The following LARGE1 variants were observed in gnomAD, a reference collection of about 807,000 sequenced individuals.
LARGE1 encodes xylosyl- and glucuronyltransferase LARGE1.
Under a neutral mutation model 87.6 loss-of-function variants are expected in LARGE1, and 43 were observed. That is an observed-to-expected ratio of 0.49 (90% CI 0.38 to 0.63). The LOEUF (loss-of-function observed/expected upper bound fraction) is 0.63, where lower values mean the gene tolerates loss of function less well. LARGE1 is among the 30% of genes least tolerant of loss of function. The pLI is 0.00. For missense variants in LARGE1, 802 were observed against 1,000.2 expected (o/e 0.80, Z 2.67); for synonymous variants, 434 against 394.6 (o/e 1.10, Z -1.18).
chr22:33,464,898 CACACACACAT>C (rs796479135), intron 6 of LARGE1, among the ~76,000 whole-genome samples: 2,170 of 150,932 alleles, frequency 0.014, 60 homozygotes, highest in African/African-American at 0.051. Context: ...CACATACACA[CACACACACAT>C]ACACATGCAC....
chr22:33,336,261 C>T lies in LARGE1; in HGVS notation c.1287+1385G>A, dbSNP rs145414715. On this transcript the variant is annotated intron_variant, in intron 10 of 14. Transcript: ENST00000397394. Reference sequence around the variant, plus strand: ...TGTTGCCCAGGCTTGAGTGTAGTGGCATGATCTCGGCTCACTGTAACCTCC... The same window carrying T: ...TGTTGCCCAGGCTTGAGTGTAGTGGTATGATCTCGGCTCACTGTAACCTCC... Among the ~76,000 whole-genome samples the T allele has an allele frequency of 2.8e-3, 424 of 152,246 alleles. 3 individuals carry two copies. The highest frequency in any genetic ancestry group is 9.8e-3 in the African/African-American group (407 of 41,538).
intron 7 of LARGE1, among the ~76,000 whole-genome samples, chr22:33,387,201 G>A (rs1373039142): frequency 6.7e-6 from 1 of 148,412 alleles, no homozygotes; most frequent in Non-Finnish European, 1.5e-5. Flanking sequence ...AAGGTGCACA[G>A]ATCATCTGAA....
chr22:33,254,935 A>ATTTTT (rs11363318), intron 11 of LARGE1, among the ~76,000 whole-genome samples: 22 of 128,266 alleles, frequency 1.7e-4, no homozygotes, highest in African/African-American at 6.3e-4. Flanking sequence ...CTACCTGTAG[A>ATTTTT]TTTTTTTTTT....
At chr22:33,176,888 C>T (rs995853170) in intron 11 of LARGE1, among the ~76,000 whole-genome samples, 5 of 152,026 alleles carry the variant, frequency 3.3e-5, no homozygotes, top group African/African-American at 1.2e-4. Context: ...TTCACAATAG[C>T]AAAAACTTGG....
chr22:33,794,162 A>T (rs1280934289), intron 1 of LARGE1, among the ~76,000 whole-genome samples: 1 of 152,170 alleles, frequency 6.6e-6, no homozygotes, highest in Non-Finnish European at 1.5e-5. Context: ...CGACGTATGT[A>T]GTTGGGCCCC....
intron 6 of LARGE1, among the ~76,000 whole-genome samples, chr22:33,544,684 AAAC>A (rs149731889): frequency 3.1e-5 from 2 of 64,276 alleles, no homozygotes; most frequent in African/African-American, 9.7e-5. Flanking sequence ...CCCTGTCTCA[AAAC>A]AACAACCACA....
At chr22:33,899,480 G>C (rs2065229568) in intron 1 of LARGE1, among the ~76,000 whole-genome samples, 1 of 152,126 alleles carries the variant, frequency 6.6e-6, no homozygotes, top group Non-Finnish European at 1.5e-5. Flanking sequence ...TTTTAGCCCA[G>C]AACTGCAGGT....
At chr22:33,663,584 G>A (rs2081189754) in intron 2 of LARGE1, among the ~76,000 whole-genome samples, 1 of 152,146 alleles carries the variant, frequency 6.6e-6, no homozygotes, top group Non-Finnish European at 1.5e-5. Flanking sequence ...AAAGCCCCTT[G>A]CAGGACAGAG....
At position 33,288,943 on chromosome 22, in the gene LARGE1, C is replaced by T. The variant is rs571705908; in HGVS notation, c.1731-5595G>A. 1.5e-3 allele frequency among the ~76,000 whole-genome samples: 220 copies of T among 151,216 alleles called. 1 individual carries two copies. The highest frequency in any genetic ancestry group is 2.6e-3 in the Non-Finnish European group (180 of 67,984). ...ACAAACCTACTATAGTATATTGGATCAAGGAATTATTATTATTATTATTAT... is the reference window on the plus strand; with the variant it reads ...ACAAACCTACTATAGTATATTGGATTAAGGAATTATTATTATTATTATTAT... On this transcript the variant is annotated intron_variant, in intron 12 of 14. Coordinates refer to ENST00000397394, the MANE Select transcript of LARGE1 (RefSeq NM_133642.5).
At chr22:33,827,618 G>A (rs1162819519) in intron 1 of LARGE1, among the ~76,000 whole-genome samples, 1 of 152,204 alleles carries the variant, frequency 6.6e-6, no homozygotes, top group African/African-American at 2.4e-5. Flanking sequence ...CGTGGCCAAT[G>A]CGGGAGCCAC....
chr22:33,480,075 A>G (rs977947224), intron 6 of LARGE1, among the ~76,000 whole-genome samples: 2 of 152,152 alleles, frequency 1.3e-5, no homozygotes, highest in Non-Finnish European at 2.9e-5. Context: ...AGCAATGTAC[A>G]AAGTTCAGTG....
chr22:33,482,786 T>C (rs9621709), intron 6 of LARGE1, among the ~76,000 whole-genome samples: 3,260 of 152,260 alleles, frequency 0.021, 116 homozygotes, highest in African/African-American at 0.075. Context: ...TTATTGACTG[T>C]AGGCACCCTA....
chr22:33,244,020 G>A (rs1187565435), intron 11 of LARGE1, among the ~76,000 whole-genome samples: 2 of 152,104 alleles, frequency 1.3e-5, no homozygotes, highest in Non-Finnish European at 2.9e-5. Flanking sequence ...GCGGAGTCTT[G>A]CTCTGTCGCC....
intron 11 of LARGE1, among the ~76,000 whole-genome samples, chr22:33,208,862 G>A (rs1162584243): frequency 6.6e-6 from 1 of 152,142 alleles, no homozygotes; most frequent in East Asian, 1.9e-4. Flanking sequence ...GAGAATGATA[G>A]CTTCTAGCTT....
At chr22:33,739,712 T>A (rs970737428) in intron 2 of LARGE1, among the ~76,000 whole-genome samples, 9 of 152,174 alleles carry the variant, frequency 5.9e-5, no homozygotes, top group African/African-American at 2.2e-4. Flanking sequence ...TGGGGCAGCC[T>A]GGGGAGAGGA....
chr22:33,490,954 A>G (rs752881574), intron 6 of LARGE1, among the ~76,000 whole-genome samples: 33 of 152,094 alleles, frequency 2.2e-4, no homozygotes, highest in Non-Finnish European at 4.0e-4. Flanking sequence ...TGTTGCCTAC[A>G]TGTTCTCTGA....
chr22:33,843,042 G>T (rs960617187), intron 1 of LARGE1, among the ~76,000 whole-genome samples: 1 of 152,142 alleles, frequency 6.6e-6, no homozygotes, highest in Non-Finnish European at 1.5e-5. Flanking sequence ...ACGTGGCCCT[G>T]GATTTCCATA....
At chr22:33,653,249 G>C (rs1019193987) in intron 2 of LARGE1, among the ~76,000 whole-genome samples, 1 of 152,152 alleles carries the variant, frequency 6.6e-6, no homozygotes, top group Non-Finnish European at 1.5e-5. Flanking sequence ...GTACAATTAA[G>C]TAGTAATAGT....
chr22:33,710,473 T>C (rs990978596), intron 2 of LARGE1, among the ~76,000 whole-genome samples: 27 of 152,168 alleles, frequency 1.8e-4, no homozygotes, highest in African/African-American at 6.3e-4. Context: ...TCAGAAGCCA[T>C]ACTGTGTGTC....
Sources: allele counts gnomAD v4.1 joint callset (sites outside exome capture counted in the v4.1 genomes callset), GRCh38; gene constraint gnomAD v4.1.1; transcripts MANE v1.5; gene names NCBI Gene and HGNC (gene_info 2026-07-23, HGNC 2026-07-21).